The following MLLT1 variants were observed in gnomAD, a reference collection of about 807,000 sequenced individuals.
MLLT1 encodes MLLT1 super elongation complex subunit.
A neutral mutation model predicts 55.1 loss-of-function variants in MLLT1; 11 were observed. That is an observed-to-expected ratio of 0.20 (90% CI 0.13 to 0.33). The LOEUF (loss-of-function observed/expected upper bound fraction) is 0.33, where lower values mean the gene tolerates loss of function less well. Ranked by LOEUF, MLLT1 falls within the 10% of genes least tolerant of loss-of-function variation. The pLI, the probability that MLLT1 is intolerant of heterozygous loss-of-function variation, is 1.00. For synonymous variants in MLLT1, 323 were observed against 320.1 expected (o/e 1.01, Z -0.10); for missense variants, 536 against 760.6 (o/e 0.70, Z 3.47).
chr19:6,231,488 T>G lies in MLLT1; in HGVS notation c.277-775A>C, dbSNP rs925508997. 2.6e-5 allele frequency among the ~76,000 whole-genome samples: 4 copies of G among 152,132 alleles called. No individual in the cohort carries two copies. Among genetic ancestry groups the G allele is most frequent in the Non-Finnish European group, 5.9e-5 (4 of 68,030 alleles). ...TAGCCACATGTGCAGGGGCTGTGTT[T>G]CTGTGAACCTTGAAATTTCGAAGCA... On this transcript the variant is annotated intron_variant, in intron 3 of 11. Transcript: ENST00000252674. The surrounding 1 kb of genome is among the most constrained non-coding windows in gnomAD (Gnocchi z 5.1).
At chr19:6,228,810 C>T in intron 4 of MLLT1, among the ~76,000 whole-genome samples, 1 of 152,142 alleles carries the variant, frequency 6.6e-6, no homozygotes, top group East Asian at 1.9e-4. Context: ...AAAGTTCCTG[C>T]CCAGACAGCC....
At chr19:6,268,901 C>T (rs2144956311) in intron 2 of MLLT1, among the ~76,000 whole-genome samples, 1 of 152,334 alleles carries the variant, frequency 6.6e-6, no homozygotes, top group Non-Finnish European at 1.5e-5. Flanking sequence ...ACCCCACCTT[C>T]CAGGTACTTG....
At chr19:6,266,025 A>C (rs1488465893) in intron 2 of MLLT1, among the ~76,000 whole-genome samples, 2 of 152,198 alleles carry the variant, frequency 1.3e-5, no homozygotes, top group Non-Finnish European at 2.9e-5. Flanking sequence ...TCACGCCGGT[A>C]ATCCCAGCAT....
chr19:6,250,849 G>A (rs765807104), intron 3 of MLLT1, among the ~76,000 whole-genome samples: 9 of 152,200 alleles, frequency 5.9e-5, no homozygotes, highest in Non-Finnish European at 8.8e-5. Flanking sequence ...AGCCTGCATG[G>A]CCGTCAATGG....
chr19:6,276,929 G>T (rs376418470), intron 1 of MLLT1, among the ~76,000 whole-genome samples: 58 of 152,280 alleles, frequency 3.8e-4, no homozygotes, highest in African/African-American at 1.2e-3. Flanking sequence ...CTTCTTAGGG[G>T]GGTCTGAAAG....
At chr19:6,220,726 T>C (rs1001228069) in intron 6 of MLLT1, among the ~76,000 whole-genome samples, 2 of 152,116 alleles carry the variant, frequency 1.3e-5, no homozygotes, top group Non-Finnish European at 2.9e-5. Context: ...TGTCACTCAG[T>C]ACCTATCCCC....
At chr19:6,263,648 G>A (rs746249279) in intron 2 of MLLT1, among the ~76,000 whole-genome samples, 4 of 152,148 alleles carry the variant, frequency 2.6e-5, no homozygotes, top group African/African-American at 9.7e-5. Flanking sequence ...GAGACGCACC[G>A]GCCCACTCTC....
chr19:6,250,105 T>C (rs1245739927), intron 3 of MLLT1, among the ~76,000 whole-genome samples: 6 of 152,152 alleles, frequency 3.9e-5, no homozygotes, highest in African/African-American at 1.2e-4. Flanking sequence ...AGAGCTTGAA[T>C]AGACGTATCT....
intron 3 of MLLT1, among the ~76,000 whole-genome samples, chr19:6,254,418 G>A (rs1232818763): frequency 3.9e-5 from 6 of 152,216 alleles, no homozygotes; most frequent in African/African-American, 7.2e-5. Context: ...GAGAACTGTT[G>A]AACATAAGGA....
chr19:6,243,147 C>T lies in MLLT1; in HGVS notation c.277-12434G>A, dbSNP rs539904487. Reference sequence around the variant, plus strand: ...GCTAAAGTCTGCTGGGAACGTAAAGCGGGAACGTGGCGGGGTCACCAAGCG... The same window carrying T: ...GCTAAAGTCTGCTGGGAACGTAAAGTGGGAACGTGGCGGGGTCACCAAGCG... On this transcript the variant is annotated intron_variant, in intron 3 of 11. Transcript: ENST00000252674. Among the ~76,000 whole-genome samples the T allele has an allele frequency of 3.7e-4, 56 of 152,332 alleles. No homozygotes were observed. In the South Asian group the frequency reaches 0.011, roughly 30 times the overall value.
intron 3 of MLLT1, among the ~76,000 whole-genome samples, chr19:6,233,548 G>A (rs1185338013): frequency 2.0e-5 from 3 of 152,184 alleles, no homozygotes; most frequent in Non-Finnish European, 4.4e-5. Context: ...ATGGAAGGGA[G>A]GGCGGCCTAG....
rs147735908 is a variant in MLLT1 at position 6,229,134 on chromosome 19, C to T, written c.420+1436G>A. Among the ~76,000 whole-genome samples the T allele has an allele frequency of 4.2e-3, 642 of 152,078 alleles. 3 individuals carry two copies. The highest frequency in any genetic ancestry group is 0.013 in the African/African-American group (553 of 41,464). On this transcript the variant is annotated intron_variant, in intron 4 of 11. Coordinates refer to ENST00000252674, the MANE Select transcript of MLLT1 (RefSeq NM_005934.4). This position sits in a 1 kb window ranked among gnomAD's most constrained non-coding sequence, Gnocchi z 5.2. ...CACGCCACCACGGAACCTCCGGGGA[C>T]GCCCAAAAACACCTACTGCAAACGT...
Position 6,222,153 on chromosome 19 carries a change from T to C in MLLT1, c.1078A>G (p.Asn360Asp). The C allele has an allele frequency of 2.6e-6, 4 of 1,554,470 alleles. No homozygotes were observed. The highest frequency in any genetic ancestry group is 3.5e-6 in the Non-Finnish European group (4 of 1,149,438). Residue 360 changes from asparagine (N) to aspartate (D), a missense_variant, in exon 6 of 12, where the codon AAC (asparagine) becomes GAC (aspartate). Physicochemically the swap from Asn to Asp is conservative, Grantham distance 23. Transcript: ENST00000252674. This position sits in a 1 kb window ranked among gnomAD's most constrained non-coding sequence, Gnocchi z 4.1. ...TTGAAGGAGGCCTCGTCCTCTGAGT[T>C]GGACTCCTCCACCTCCAGGGCCTTT... ...AKKALEVEESNSEDEASFKSE... is the reference protein window; with the variant it reads ...AKKALEVEESDSEDEASFKSE...
chr19:6,211,766 G>C lies in MLLT1; in HGVS notation c.*1276C>G. 9.4e-7 allele frequency: 1 copy of C among 1,064,296 alleles called. No individual in the cohort carries two copies. Among genetic ancestry groups the C allele is most frequent in the East Asian group, 5.0e-5 (1 of 20,018 alleles). The allele number at this position is 1,064,296 out of a possible 1,614,324, so 65.9% of individuals were successfully genotyped here. A position where few individuals can be genotyped will look rare whatever the true frequency, so the allele number is the denominator to read the frequency against. The stretch of plus-strand genomic sequence containing the variant: ...CTGGGACCCCCAGCCACGATGGGCT[G>C]GCTCCGCGGGAGCGTCCTGGCCCTG... On this transcript the variant is annotated 3_prime_UTR_variant, in exon 12 of 12. Transcript: ENST00000252674. This position sits in a 1 kb window ranked among gnomAD's most constrained non-coding sequence, Gnocchi z 4.6.
chr19:6,213,702 G>GCCTTGTCGTAGGTGCCCCCCCA lies in MLLT1; in HGVS notation c.1479+2_1479+23dup, dbSNP rs779948071. On this transcript the variant is annotated intron_variant, in intron 10 of 11. Coordinates refer to ENST00000252674, the MANE Select transcript of MLLT1 (RefSeq NM_005934.4). ...CCACCCACCCCTCCGTAGCCTCCCC[G>GCCTTGTCGTAGGTGCCCCCCCA]CCTTGTCGTAGGTGCCCCCCCACCT... The GCCTTGTCGTAGGTGCCCCCCCA allele has an allele frequency of 3.4e-4, 99 of 291,638 alleles. 1 individual carries two copies. The Middle Eastern group carries it at 0.013, about 38-fold the overall frequency. The allele number at this position is 291,638 out of a possible 1,614,324, so 18.1% of individuals were successfully genotyped here.
chr19:6,226,239 G>A lies in MLLT1; in HGVS notation c.546+738C>T, dbSNP rs370498217. Reference sequence around the variant, plus strand: ...GTGGCAGGCACCGGGCAGCTGCCCCGAGGGCCCGTGCCGCTCAGCCTCCAG... The same window carrying A: ...GTGGCAGGCACCGGGCAGCTGCCCCAAGGGCCCGTGCCGCTCAGCCTCCAG... On this transcript the variant is annotated intron_variant, in intron 5 of 11. Coordinates refer to ENST00000252674, the MANE Select transcript of MLLT1 (RefSeq NM_005934.4). This position sits in a 1 kb window ranked among gnomAD's most constrained non-coding sequence, Gnocchi z 6.3. Among the ~76,000 whole-genome samples, 3 of 152,202 alleles carry A rather than the reference G, an allele frequency of 2.0e-5. No individual in the cohort carries two copies. Among genetic ancestry groups the A allele is most frequent in the East Asian group, 1.9e-4 (1 of 5,190 alleles).
chr19:6,272,877 C>T (rs187395343), intron 1 of MLLT1, among the ~76,000 whole-genome samples: 29 of 152,266 alleles, frequency 1.9e-4, no homozygotes, highest in Admixed American at 1.6e-3. Context: ...AGAAATGAGG[C>T]GGAGGCGTGC....
At chr19:6,246,108 A>G (rs953813914) in intron 3 of MLLT1, among the ~76,000 whole-genome samples, 3 of 135,316 alleles carry the variant, frequency 2.2e-5, no homozygotes, top group African/African-American at 6.7e-5. Context: ...AACAAAGAGA[A>G]AAAAAAAAAA....
In MLLT1 at chr19:6,229,309, A is replaced by C. The variant is rs1295773967; in HGVS notation, c.420+1261T>G. Among the ~76,000 whole-genome samples the C allele has an allele frequency of 1.3e-5, 2 of 152,106 alleles. No homozygotes were observed. Among genetic ancestry groups the C allele is most frequent in the Non-Finnish European group, 2.9e-5 (2 of 68,006 alleles). ...CTGCCCTCCCCGGATCAGAACCACA[A>C]GCAGGGCTTCACAAGGATCACAGCA... On this transcript the variant is annotated intron_variant, in intron 4 of 11. Coordinates refer to ENST00000252674, the MANE Select transcript of MLLT1 (RefSeq NM_005934.4). This position sits in a 1 kb window ranked among gnomAD's most constrained non-coding sequence, Gnocchi z 5.2.
Sources: gnomAD v4.1 joint callset for allele counts (sites outside exome capture counted in the v4.1 genomes callset) on GRCh38, gnomAD v4.1.1 for gene constraint, Gnocchi (gnomAD v3.1) non-coding constraint, MANE v1.5 for transcripts, NCBI Gene and HGNC (gene_info 2026-07-23, HGNC 2026-07-21) for gene names.